GMDS: variants seen among roughly 807,000 people sequenced by gnomAD.
GMDS encodes GDP-mannose 4,6 dehydratase.
Under a neutral mutation model 49.9 loss-of-function variants are expected in GMDS, and 20 were observed. The observed-to-expected ratio is 0.40, with a 90% confidence interval of 0.28 to 0.58. The LOEUF (loss-of-function observed/expected upper bound fraction) is 0.58, where lower values mean the gene tolerates loss of function less well. Ranked by LOEUF, GMDS falls within the 20% of genes least tolerant of loss-of-function variation. The pLI, the probability that GMDS is intolerant of heterozygous loss-of-function variation, is 0.42. For missense variants in GMDS, 362 were observed against 481.4 expected (o/e 0.75, Z 2.32); for synonymous variants, 177 against 178.6 (o/e 0.99, Z 0.07).
Position 1,960,805 on chromosome 6 carries a change from C to T in GMDS, c.507G>A (p.Glu169=), listed in dbSNP as rs2127297162. The change falls in exon 5 of 11, where the codon GAG becomes GAA. Residue 169 remains glutamate (E), a synonymous_variant. Transcript: ENST00000380815. ...GTGACCGGGGATAGAAAGGGGTGGT[C>T]TCCTTCTGGGGTATTTCCTGCACTT... ...YGKVQEIPQK[E]TTPFYPRSPY... 6.2e-7 allele frequency: 1 copy of T among 1,605,750 alleles called. No individual in the cohort carries two copies. Among genetic ancestry groups the T allele is most frequent in the Non-Finnish European group, 8.5e-7 (1 of 1,173,542 alleles).
chr6:1,809,315 A>G (rs967948663), intron 7 of GMDS, among the ~76,000 whole-genome samples: 1 of 152,232 alleles, frequency 6.6e-6, no homozygotes, highest in Non-Finnish European at 1.5e-5. Flanking sequence ...TGTGGCTACT[A>G]TGAAACTTCC....
intron 7 of GMDS, among the ~76,000 whole-genome samples, chr6:1,756,897 G>A (rs775776595): frequency 9.2e-5 from 14 of 152,132 alleles, no homozygotes; most frequent in Non-Finnish European, 1.9e-4. Context: ...CACTTCCTCC[G>A]CACGCATTGG....
chr6:2,140,948 T>A (rs1776253170), intron 1 of GMDS, among the ~76,000 whole-genome samples: 1 of 152,118 alleles, frequency 6.6e-6, no homozygotes, highest in Non-Finnish European at 1.5e-5. Context: ...AACCACCTCC[T>A]CTGGGAAGTG....
rs368319288 is a variant in GMDS at position 1,639,876 on chromosome 6, T to TCAAAA, written c.988-15341_988-15337dup. On this transcript the variant is annotated intron_variant, in intron 9 of 10. Transcript: ENST00000380815. ...CTGGGTGATAGAGCCAGACCTTGTC[T>TCAAAA]CAAAACAAAACAAAACAAAATGAAA... is the stretch of plus-strand genomic sequence containing the variant. Among the ~76,000 whole-genome samples, 551 of 152,234 alleles carry TCAAAA rather than the reference T, an allele frequency of 3.6e-3. 4 individuals carry two copies. Among genetic ancestry groups the TCAAAA allele is most frequent in the Non-Finnish European group, 5.7e-3 (391 of 68,010 alleles).
chr6:1,952,006 T>C (rs1763361850), intron 6 of GMDS: 1 of 979,478 alleles, frequency 1.0e-6, no homozygotes, highest in African/African-American at 1.8e-5. Context: ...ATATATGTTA[T>C]TTCCACAAAT....
intron 1 of GMDS, among the ~76,000 whole-genome samples, chr6:2,203,420 A>G (rs1428370159): frequency 1.3e-5 from 2 of 152,194 alleles, no homozygotes; most frequent in African/African-American, 4.8e-5. Flanking sequence ...GAGAGTCAGC[A>G]GCTGAGAGTC....
intron 1 of GMDS, among the ~76,000 whole-genome samples, chr6:2,166,389 C>T (rs1424476124): frequency 6.6e-6 from 1 of 152,164 alleles, no homozygotes; most frequent in African/African-American, 2.4e-5. Context: ...CTTTGCCAGT[C>T]CCTATACTAA....
chr6:1,925,787 G>A (rs73718529), intron 7 of GMDS, among the ~76,000 whole-genome samples: 1 of 152,092 alleles, frequency 6.6e-6, no homozygotes, highest in African/African-American at 2.4e-5. Context: ...CTATGCCCAC[G>A]GACTAGGTGA....
At chr6:2,163,711 C>A (rs1777523747) in intron 1 of GMDS, among the ~76,000 whole-genome samples, 1 of 152,198 alleles carries the variant, frequency 6.6e-6, no homozygotes, top group Admixed American at 6.5e-5. Context: ...ACTTCAAATA[C>A]CTGGTGATAC....
intron 9 of GMDS, among the ~76,000 whole-genome samples, chr6:1,720,673 C>T (rs556247298): frequency 6.6e-6 from 1 of 152,218 alleles, no homozygotes; most frequent in East Asian, 1.9e-4. Flanking sequence ...TTTCTATAGG[C>T]CCAAGAGTGC....
intron 1 of GMDS, among the ~76,000 whole-genome samples, chr6:2,244,491 T>C (rs550358695): frequency 1.8e-4 from 27 of 152,254 alleles, no homozygotes; most frequent in East Asian, 9.7e-4. Context: ...GATTACTTCA[T>C]GACCACTGAA....
intron 3 of GMDS, among the ~76,000 whole-genome samples, chr6:2,116,532 T>C (rs559696186): frequency 1.8e-4 from 28 of 152,334 alleles, no homozygotes; most frequent in Non-Finnish European, 1.6e-4. Context: ...AGGACTGTTC[T>C]GAACTTTGCA....
chr6:1,966,166 T>C (rs1764246707), intron 4 of GMDS, among the ~76,000 whole-genome samples: 1 of 152,120 alleles, frequency 6.6e-6, no homozygotes, highest in Admixed American at 6.5e-5. Flanking sequence ...AACTAAACCA[T>C]AGTTATAACT....
intron 9 of GMDS, among the ~76,000 whole-genome samples, chr6:1,688,351 G>A (rs1051774358): frequency 2.0e-5 from 3 of 152,220 alleles, no homozygotes; most frequent in African/African-American, 4.8e-5. Flanking sequence ...ACGACGGCTC[G>A]TGGAAACCCC....
At chr6:2,007,910 T>C (rs1767302113) in intron 4 of GMDS, among the ~76,000 whole-genome samples, 1 of 152,202 alleles carries the variant, frequency 6.6e-6, no homozygotes. Flanking sequence ...GGTATATTCT[T>C]TTTTCTTGAG....
intron 7 of GMDS, among the ~76,000 whole-genome samples, chr6:1,866,064 C>T (rs905225288): frequency 6.6e-6 from 1 of 152,124 alleles, no homozygotes; most frequent in Non-Finnish European, 1.5e-5. Flanking sequence ...CATTTCTTTG[C>T]CCTTTACCCA....
intron 9 of GMDS, among the ~76,000 whole-genome samples, chr6:1,674,794 C>A (rs1486399329): frequency 6.6e-6 from 1 of 151,594 alleles, no homozygotes; most frequent in Non-Finnish European, 1.5e-5. Flanking sequence ...AAGCAATCTG[C>A]CTGCCTTGGC....
chr6:1,827,672 A>C (rs977043355), intron 7 of GMDS, among the ~76,000 whole-genome samples: 3 of 152,238 alleles, frequency 2.0e-5, no homozygotes, highest in Non-Finnish European at 2.9e-5. Context: ...ACAGCTGCAT[A>C]GATGAGGGGA....
At chr6:1,654,716 A>G (rs1054238468) in intron 9 of GMDS, among the ~76,000 whole-genome samples, 1 of 152,168 alleles carries the variant, frequency 6.6e-6, no homozygotes, top group African/African-American at 2.4e-5. Context: ...GGAACTGCAC[A>G]CTTGAAAATG....
Sources: gnomAD v4.1 joint callset for allele counts (sites outside exome capture counted in the v4.1 genomes callset) on GRCh38, gnomAD v4.1.1 for gene constraint, MANE v1.5 for transcripts, NCBI Gene and HGNC (gene_info 2026-07-23, HGNC 2026-07-21) for gene names.